The following DGKB variants were observed in gnomAD, a reference collection of about 807,000 sequenced individuals.
DGKB encodes diacylglycerol kinase beta, also known as 90 kDa diacylglycerol kinase.
Under a neutral mutation model 114.3 loss-of-function variants are expected in DGKB, and 67 were observed. The observed-to-expected ratio is 0.59, with a 90% confidence interval of 0.48 to 0.72. The LOEUF is 0.72. DGKB is among the 30% of genes least tolerant of loss of function. DGKB has a pLI of 0.00. For missense variants in DGKB, 907 were observed against 975.2 expected (o/e 0.93, Z 0.93); for synonymous variants, 398 against 323.1 (o/e 1.23, Z -2.49).
intron 21 of DGKB, among the ~76,000 whole-genome samples, chr7:14,355,442 G>T (rs1392354561): frequency 6.6e-6 from 1 of 152,128 alleles, no homozygotes; most frequent in Admixed American, 6.6e-5. Flanking sequence ...ACTATTTTGA[G>T]ATATGTTCCA....
chr7:14,590,766 TATACAC>T (rs1287513309), intron 17 of DGKB, among the ~76,000 whole-genome samples: 1 of 152,178 alleles, frequency 6.6e-6, no homozygotes, highest in African/African-American at 2.4e-5. Flanking sequence ...GGGCTCTTTA[TATACAC>T]ATAAAGAAAA....
intron 13 of DGKB, among the ~76,000 whole-genome samples, chr7:14,658,704 C>A (rs534495482): frequency 6.6e-6 from 1 of 151,224 alleles, no homozygotes; most frequent in African/African-American, 2.4e-5. Context: ...TATTATATAT[C>A]AATACAGAAT....
intron 2 of DGKB, among the ~76,000 whole-genome samples, chr7:14,840,980 C>T (rs1847856989): frequency 6.6e-6 from 1 of 152,058 alleles, no homozygotes; most frequent in Admixed American, 6.6e-5. Context: ...CATTTTAGTT[C>T]CTTTCCTTCA....
chr7:14,805,843 A>G (rs1842731407), intron 2 of DGKB, among the ~76,000 whole-genome samples: 1 of 151,224 alleles, frequency 6.6e-6, no homozygotes, highest in South Asian at 2.1e-4. Context: ...TTTACCAAAA[A>G]TTTAGAGAAT....
At chr7:14,410,416 C>G (rs551979484) in intron 21 of DGKB, among the ~76,000 whole-genome samples, 104 of 152,102 alleles carry the variant, frequency 6.8e-4, no homozygotes, top group Non-Finnish European at 1.3e-3. Context: ...CTATTCCTAT[C>G]TCTAAGACAT....
intron 16 of DGKB, among the ~76,000 whole-genome samples, chr7:14,611,383 G>A (rs1319459239): frequency 6.6e-6 from 1 of 152,040 alleles, no homozygotes; most frequent in East Asian, 1.9e-4. Flanking sequence ...CTTATTGATT[G>A]ATATGGAAAA....
intron 23 of DGKB, among the ~76,000 whole-genome samples, chr7:14,239,828 T>G (rs1042911411): frequency 1.3e-4 from 20 of 152,180 alleles, no homozygotes; most frequent in African/African-American, 4.8e-4. Context: ...AAATCATTAT[T>G]GTGTCTCCAA....
intron 20 of DGKB, among the ~76,000 whole-genome samples, chr7:14,515,457 G>C (rs1177909765): frequency 2.0e-5 from 3 of 152,114 alleles, no homozygotes; most frequent in African/African-American, 7.2e-5. Context: ...TTACAAATAA[G>C]TCAGAAACTG....
At chr7:14,501,687 C>G (rs1431530) in intron 20 of DGKB, among the ~76,000 whole-genome samples, 6,983 of 152,022 alleles carry the variant, frequency 0.046, 505 homozygotes, top group African/African-American at 0.16. Flanking sequence ...GAACAAATGA[C>G]TGCTGTGTAT....
chr7:14,695,601 G>C (rs545861517), intron 8 of DGKB, among the ~76,000 whole-genome samples: 1 of 148,112 alleles, frequency 6.8e-6, no homozygotes, highest in Admixed American at 6.8e-5. Context: ...CTGGGTTCAC[G>C]CCATTCTCCT....
rs548996123 is a variant in DGKB at position 14,283,033 on chromosome 7, A to G, written c.2122+55482T>C. On this transcript the variant is annotated intron_variant, in intron 23 of 25. Transcript: ENST00000402815. ...GCCAGGGCAATTAGTCAGGAGAAGG[A>G]AATAAGGGGTATTCAATTAGGAAAA... Among the ~76,000 whole-genome samples, 5 of 151,968 alleles carry G rather than the reference A, an allele frequency of 3.3e-5. No individual in the cohort carries two copies. In the East Asian group the frequency reaches 9.7e-4, roughly 29 times the overall value.
At chr7:14,415,814 T>C (rs1390794905) in intron 21 of DGKB, among the ~76,000 whole-genome samples, 4 of 152,238 alleles carry the variant, frequency 2.6e-5, no homozygotes, top group African/African-American at 9.6e-5. Flanking sequence ...TCAAATGATA[T>C]TTCTAGTTCT....
At chr7:14,451,327 C>T (rs1831447924) in intron 21 of DGKB, among the ~76,000 whole-genome samples, 1 of 151,926 alleles carries the variant, frequency 6.6e-6, no homozygotes, top group Non-Finnish European at 1.5e-5. Context: ...AGAATTTTTT[C>T]TCTCTGACTG....
chr7:14,509,201 T>C (rs1238752494), intron 20 of DGKB, among the ~76,000 whole-genome samples: 2 of 152,136 alleles, frequency 1.3e-5, no homozygotes, highest in African/African-American at 2.4e-5. Flanking sequence ...CTCAGAGATA[T>C]TGAGGGTTCA....
At chr7:14,767,948 C>T (rs1418154901) in intron 2 of DGKB, among the ~76,000 whole-genome samples, 3 of 151,854 alleles carry the variant, frequency 2.0e-5, no homozygotes, top group Non-Finnish European at 4.4e-5. Context: ...CTAATAACAT[C>T]CTGTTTTAAG....
intron 13 of DGKB, among the ~76,000 whole-genome samples, chr7:14,642,416 C>T (rs553027808): frequency 6.6e-6 from 1 of 151,908 alleles, no homozygotes; most frequent in South Asian, 2.1e-4. Context: ...TCTTTAATAC[C>T]AAAAGGCACT....
At chr7:14,167,798 A>G (rs1342503937) in intron 25 of DGKB, among the ~76,000 whole-genome samples, 1 of 152,240 alleles carries the variant, frequency 6.6e-6, no homozygotes, top group African/African-American at 2.4e-5. Flanking sequence ...TGAACCTAAC[A>G]GAGTCAACTA....
At chr7:14,774,486 T>A (rs956618109) in intron 2 of DGKB, among the ~76,000 whole-genome samples, 1 of 152,208 alleles carries the variant, frequency 6.6e-6, no homozygotes, top group African/African-American at 2.4e-5. Flanking sequence ...TTATTATCAC[T>A]ATTACTTTGC....
intron 21 of DGKB, among the ~76,000 whole-genome samples, chr7:14,475,759 AAC>A (rs1286454467): frequency 6.6e-6 from 1 of 152,150 alleles, no homozygotes; most frequent in African/African-American, 2.4e-5. Context: ...GAAGTTTACA[AAC>A]ACATTGTTAT....
Sources: gnomAD v4.1 joint callset for allele counts (sites outside exome capture counted in the v4.1 genomes callset) on GRCh38, gnomAD v4.1.1 for gene constraint, MANE v1.5 for transcripts, NCBI Gene and HGNC (gene_info 2026-07-23, HGNC 2026-07-21) for gene names.